Variants in NCR1 observed in about 807,000 individuals in gnomAD.
NCR1 encodes natural cytotoxicity triggering receptor 1.
A neutral mutation model predicts 32.5 loss-of-function variants in NCR1; 30 were observed. The ratio of observed to expected loss-of-function variants is 0.92; its 90% CI spans 0.69 to 1.25. The LOEUF is 1.25. Ranked by LOEUF, NCR1 falls within the 50% of genes most tolerant of loss-of-function variation. NCR1 has a pLI of 0.00. For synonymous variants in NCR1, 169 were observed against 143.4 expected, an observed-to-expected ratio of 1.18 and a Z score of -1.28; for missense variants, 369 against 380.7, an observed-to-expected ratio of 0.97 and a Z score of 0.26.
upstream of NCR1, among the ~76,000 whole-genome samples, chr19:54,903,452 A>ACG (rs1491124379): frequency 2.7e-4 from 29 of 109,120 alleles, no homozygotes; most frequent in South Asian, 2.9e-3. Flanking sequence ...GTATGTATAT[A>ACG]CATATATGTA....
In NCR1 at chr19:54,912,158, T is replaced by C; in HGVS notation, c.683-10T>C. ...AACCATCCTCTTTTCTTCACTTCCC[T>C]TATCATCAGCAGACACTTGGGGCAC... On this transcript the variant is annotated splice_polypyrimidine_tract_variant and intron_variant, in intron 5 of 6. Transcript: ENST00000291890. 3 of 1,613,300 alleles carry C rather than the reference T, an allele frequency of 1.9e-6. No individual in the cohort carries two copies. Among genetic ancestry groups the C allele is most frequent in the Non-Finnish European group, 2.5e-6 (3 of 1,179,384 alleles).
At chr19:54,932,265 T>C in the NCR1 span, among the ~76,000 whole-genome samples, 1 of 151,820 alleles carries the variant, frequency 6.6e-6, no homozygotes, top group Non-Finnish European at 1.5e-5. Context: ...TCATCTCCAC[T>C]AAAAGTGCAA....
chr19:54,906,949 C>T, intron 3 of NCR1, 142 bp downstream of exon 3: 1 of 988,542 alleles, frequency 1.0e-6, no homozygotes, highest in Non-Finnish European at 1.5e-6. Flanking sequence ...CATCACAATC[C>T]TTGCCTACAA....
At chr19:54,935,945 C>T in the NCR1 span, among the ~76,000 whole-genome samples, 6 of 152,062 alleles carry the variant, frequency 3.9e-5, no homozygotes, top group Admixed American at 2.6e-4. Context: ...AACCGGCCCG[C>T]GGTGCAGAAA....
chr19:54,922,607 G>A, the NCR1 span, among the ~76,000 whole-genome samples: 6 of 151,798 alleles, frequency 4.0e-5, no homozygotes, highest in East Asian at 5.9e-4. Context: ...GTGAAACCCC[G>A]TCTCTAGTAA....
At chr19:54,912,118 GGTGGAGGAGGTCAAAACCA>G (rs748345339) in intron 5 of NCR1, 31 bp from the exon 6 acceptor site, 2 of 1,493,228 alleles carry the variant, frequency 1.3e-6, no homozygotes, top group South Asian at 2.3e-5. Context: ...GGAGTGCTGG[GGTGGAGGAGGTCAAAACCA>G]TCCTCTTTTC....
At chr19:54,903,577 T>C (rs966890953), upstream of NCR1, among the ~76,000 whole-genome samples, 1 of 149,146 alleles carries the variant, frequency 6.7e-6, no homozygotes, top group African/African-American at 2.5e-5. Context: ...TGTGTATATA[T>C]ACGCATATAC....
chr19:54,936,256 C>T, the NCR1 span: 1 of 1,612,238 alleles, frequency 6.2e-7, no homozygotes, highest in Non-Finnish European at 8.5e-7. Flanking sequence ...GACCGTGAGA[C>T]CCACCTCAGG....
chr19:54,935,228 GAA>G, the NCR1 span, among the ~76,000 whole-genome samples: 33 of 19,616 alleles, frequency 1.7e-3, no homozygotes, highest in Non-Finnish European at 0.011. Context: ...TTGCAGGGGG[GAA>G]AAAAAAATTT....
chr19:54,901,618 G>A (rs918307411), upstream of NCR1, among the ~76,000 whole-genome samples: 8 of 152,034 alleles, frequency 5.3e-5, no homozygotes, highest in East Asian at 5.8e-4. Context: ...CTCCTGGAGC[G>A]AAGAAAGGAT....
Position 54,909,267 on chromosome 19 carries a change from C to T in NCR1, c.378C>T (p.Leu126=), listed in dbSNP as rs781447230. 2 of 1,613,454 alleles carry T rather than the reference C, an allele frequency of 1.2e-6. No individual in the cohort carries two copies. Among genetic ancestry groups the T allele is most frequent in the Admixed American group, 3.3e-5 (2 of 59,994 alleles). The stretch of plus-strand genomic sequence containing the variant: ...TAGAAATGTATGACACACCCACCCT[C>T]TCGGTTCATCCTGGACCCGAAGTGA... ...VVTEMYDTPT[L]SVHPGPEVIS... The change falls in exon 4 of 7, where the codon CTC becomes CTT. Residue 126 remains leucine, a synonymous_variant. Coordinates refer to ENST00000291890, the MANE Select transcript of NCR1 (RefSeq NM_004829.7).
upstream of NCR1, among the ~76,000 whole-genome samples, chr19:54,902,407 C>A (rs1446277199): frequency 2.0e-5 from 3 of 151,750 alleles, no homozygotes; most frequent in Middle Eastern, 3.2e-3. Flanking sequence ...CTCAGATGAC[C>A]CTCTCACCTC....
At chr19:54,921,305 T>C in the NCR1 span, among the ~76,000 whole-genome samples, 2 of 152,186 alleles carry the variant, frequency 1.3e-5, no homozygotes, top group African/African-American at 4.8e-5. Context: ...ACAGCCTGCA[T>C]TACTACCAGC....
downstream of NCR1, among the ~76,000 whole-genome samples, chr19:54,919,755 T>C (rs1237319314): frequency 7.6e-6 from 1 of 131,842 alleles, no homozygotes; most frequent in Non-Finnish European, 1.6e-5. Flanking sequence ...GTCTGCTAAG[T>C]AGCGGGTGTT....
the NCR1 span, chr19:54,933,517 C>A: frequency 6.3e-7 from 1 of 1,596,654 alleles, no homozygotes. Context: ...ACTTTCATGT[C>A]TCTCCTGCTT....
chr19:54,919,893 G>A (rs1350228666), downstream of NCR1, among the ~76,000 whole-genome samples: 7 of 152,128 alleles, frequency 4.6e-5, no homozygotes, highest in South Asian at 2.1e-4. Context: ...CAGAAGGCTC[G>A]CACTCTTGTC....
intron 4 of NCR1, 135 bp from the exon 5 acceptor site, chr19:54,909,883 C>T (rs587766794): frequency 6.8e-6 from 5 of 730,048 alleles, no homozygotes; most frequent in South Asian, 1.8e-5. Context: ...TGTAGTGAAC[C>T]GAGATCATAC....
Position 54,906,333 on chromosome 19 carries a change from G to C in NCR1, c.69G>C (p.Gln23His), listed in dbSNP as rs2067608048. 6.2e-7 allele frequency: 1 copy of C among 1,613,568 alleles called. No individual in the cohort carries two copies. The highest frequency in any genetic ancestry group is 8.5e-7 in the Non-Finnish European group (1 of 1,180,048). ...LCLSQRISAQ[Q>H]QTLPKPFIWA... ...TGAGTCAGAGGATCAGCGCCCAGCA[G>C]CGTGAGTCCTTCCTTCAAAGCCCAG... The change falls in exon 2 of 7, where the codon CAG becomes CAC. Residue 23 changes from glutamine (Q) to histidine (H), a missense_variant and splice_region_variant. Coordinates refer to ENST00000291890, the MANE Select transcript of NCR1 (RefSeq NM_004829.7).
At chr19:54,898,746 A>T in the NCR1 span, among the ~76,000 whole-genome samples, 3 of 152,188 alleles carry the variant, frequency 2.0e-5, no homozygotes, top group Admixed American at 1.3e-4. Flanking sequence ...AAGAGCCTAA[A>T]CACTATCTGA....
Sources: allele counts gnomAD v4.1 joint callset (sites outside exome capture counted in the v4.1 genomes callset), GRCh38; gene constraint gnomAD v4.1.1; transcripts MANE v1.5; gene names NCBI Gene and HGNC (gene_info 2026-07-23, HGNC 2026-07-21).